SEC14L6: variants seen among roughly 807,000 people sequenced by gnomAD.
SEC14L6 encodes SEC14-like protein 6.
Under a neutral mutation model 54.1 loss-of-function variants are expected in SEC14L6, and 40 were observed. The ratio of observed to expected loss-of-function variants is 0.74; its 90% CI spans 0.57 to 0.96. The LOEUF (loss-of-function observed/expected upper bound fraction) is 0.96. Among genes scored for constraint, SEC14L6 ranks in the 40% least tolerant of loss-of-function variants. The pLI is 0.00. For synonymous variants in SEC14L6, 171 were observed against 198.4 expected (o/e 0.86, Z 1.16); for missense variants, 471 against 498.3 (o/e 0.95, Z 0.52).
At chr22:30,530,419 A>G (rs142709671) in intron 6 of SEC14L6, among the ~76,000 whole-genome samples, 12 of 152,196 alleles carry the variant, frequency 7.9e-5, no homozygotes, top group Non-Finnish European at 1.8e-4. Context: ...AGAAAACAAA[A>G]AAACTGAGAT....
chr22:30,526,679 G>A (rs1416952547), intron 8 of SEC14L6, among the ~76,000 whole-genome samples: 4 of 148,920 alleles, frequency 2.7e-5, no homozygotes, highest in Admixed American at 1.3e-4. Flanking sequence ...GCAGTGAGCC[G>A]AGACCACACC....
chr22:30,542,423 A>G, intron 1 of SEC14L6: 1 of 438,462 alleles, frequency 2.3e-6, no homozygotes, highest in East Asian at 3.8e-5. Flanking sequence ...CAACTTCCCC[A>G]GGCCACCTTA....
At chr22:30,540,684 C>G (rs2085688870) in intron 1 of SEC14L6, among the ~76,000 whole-genome samples, 1 of 150,190 alleles carries the variant, frequency 6.7e-6, no homozygotes, top group South Asian at 2.1e-4. Context: ...TCACTGCACT[C>G]CAGCCTGGGC....
chr22:30,535,824 C>T (rs925174398), intron 2 of SEC14L6, among the ~76,000 whole-genome samples: 1 of 152,058 alleles, frequency 6.6e-6, no homozygotes, highest in Non-Finnish European at 1.5e-5. Context: ...GATCCTCCTA[C>T]CTCAGCCTCC....
chr22:30,542,632 G>C (rs942933709), intron 1 of SEC14L6: 1 of 1,542,242 alleles, frequency 6.5e-7, no homozygotes, highest in Non-Finnish European at 8.7e-7. Flanking sequence ...GCTGCTCCCC[G>C]CGTCCTGCGC....
chr22:30,524,968 G>T lies in SEC14L6; in HGVS notation c.*29C>A. The T allele has an allele frequency of 8.9e-7, 1 of 1,122,124 alleles. No individual in the cohort carries two copies. The highest frequency in any genetic ancestry group is 1.3e-6 in the Non-Finnish European group (1 of 755,674). 69.5% of individuals were successfully genotyped at this position (1,122,124 alleles called of 1,614,324 possible). On this transcript the variant is annotated 3_prime_UTR_variant, in exon 12 of 12. Coordinates refer to ENST00000402034, the MANE Select transcript of SEC14L6 (RefSeq NM_001193336.4). The stretch of plus-strand genomic sequence containing the variant: ...ACTCATTGTGGATTCAGAGATCAAA[G>T]AGGAGGGTGTGGGGACCATGAGGTT...
At chr22:30,540,588 C>T (rs113601127) in intron 1 of SEC14L6, among the ~76,000 whole-genome samples, 1,875 of 151,740 alleles carry the variant, frequency 0.012, 40 homozygotes, top group African/African-American at 0.042. Context: ...TGGTGGCGCA[C>T]GCCTGTAGTC....
At chr22:30,532,188 G>T (rs889657019) in intron 5 of SEC14L6, 190 bp from the exon 6 acceptor site, 2 of 985,346 alleles carry the variant, frequency 2.0e-6, no homozygotes, top group African/African-American at 3.5e-5. Flanking sequence ...ACCTCTTTGT[G>T]TCTGTCCATG....
intron 2 of SEC14L6, 21 bp downstream of exon 2, chr22:30,538,806 A>G: frequency 1.3e-6 from 2 of 1,529,716 alleles, no homozygotes; most frequent in Non-Finnish European, 1.8e-6. Flanking sequence ...ACCCTACCCC[A>G]GCCCCACGCT....
intron 1 of SEC14L6, among the ~76,000 whole-genome samples, chr22:30,546,226 T>C (rs535378701): frequency 8.1e-4 from 122 of 151,486 alleles, no homozygotes; most frequent in Non-Finnish European, 1.4e-3. Context: ...TCTACTAACA[T>C]ACAAAAATTA....
Position 30,534,049 on chromosome 22 carries a change from G to C in SEC14L6, c.131-10C>G, listed in dbSNP as rs1379997598. 3 of 1,550,828 alleles carry C rather than the reference G, an allele frequency of 1.9e-6. No individual in the cohort carries two copies. Among genetic ancestry groups the C allele is most frequent in the Non-Finnish European group, 1.7e-6 (2 of 1,147,022 alleles). ...AGGTCAAAGCTCCGAGCTGCAACAA[G>C]AGACAGGGTTATGGTTGTGGAATTC... On this transcript the variant is annotated splice_polypyrimidine_tract_variant and intron_variant, in intron 2 of 11. Coordinates refer to ENST00000402034, the MANE Select transcript of SEC14L6 (RefSeq NM_001193336.4).
rs1454087710 is a variant in SEC14L6 at position 30,525,415 on chromosome 22, C to T, written c.1016G>A (p.Ser339Asn). The change falls in exon 11 of 12, where the codon AGC (serine) becomes AAC (asparagine). Residue 339 changes from serine (S) to asparagine (N), a missense_variant. Physicochemically the swap from Ser to Asn is conservative, Grantham distance 46. Coordinates refer to ENST00000402034, the MANE Select transcript of SEC14L6 (RefSeq NM_001193336.4). ...RAREMTEVLP[S>N]QRYNAHMVPE... Reference sequence around the variant, plus strand: ...CACCATGTGGGCATTGTAGCGCTGGCTGGGCAGCACCTCTGTCATCTCCCT... The same window carrying T: ...CACCATGTGGGCATTGTAGCGCTGGTTGGGCAGCACCTCTGTCATCTCCCT... 3 of 1,614,168 alleles carry T rather than the reference C, an allele frequency of 1.9e-6. No individual in the cohort carries two copies. The highest frequency in any genetic ancestry group is 1.7e-6 in the Non-Finnish European group (2 of 1,180,010).
intron 8 of SEC14L6, among the ~76,000 whole-genome samples, chr22:30,527,380 C>A (rs985714565): frequency 6.6e-6 from 1 of 151,516 alleles, no homozygotes; most frequent in Non-Finnish European, 1.5e-5. Flanking sequence ...ATAAAAGAAC[C>A]AAATAACCCA....
intron 11 of SEC14L6, 64 bp from the exon 12 acceptor site, chr22:30,525,173 A>T: frequency 2.4e-6 from 3 of 1,270,880 alleles, no homozygotes; most frequent in Non-Finnish European, 3.4e-6. Flanking sequence ...CCATGGTGGT[A>T]AATCTCTGCG....
At chr22:30,537,917 T>C (rs1273095081) in intron 2 of SEC14L6, among the ~76,000 whole-genome samples, 2 of 152,234 alleles carry the variant, frequency 1.3e-5, no homozygotes, top group Admixed American at 6.5e-5. Context: ...ACATGAAATG[T>C]TGCCTGATTC....
chr22:30,542,058 G>A (rs1210698098), intron 1 of SEC14L6, among the ~76,000 whole-genome samples: 1 of 152,162 alleles, frequency 6.6e-6, no homozygotes, highest in East Asian at 1.9e-4. Context: ...AGGGCAGGCC[G>A]GTGGGCGGGG....
At chr22:30,528,422 CTT>C (rs375073961) in intron 8 of SEC14L6, among the ~76,000 whole-genome samples, 22 of 105,496 alleles carry the variant, frequency 2.1e-4, no homozygotes, top group Middle Eastern at 6.8e-3. Flanking sequence ...CGCTCGGCCT[CTT>C]TTTTTTTTTT....
At position 30,525,299 on chromosome 22, in the gene SEC14L6, C is replaced by G. The variant is rs192883969; in HGVS notation, c.1081+51G>C. The G allele has an allele frequency of 1.1e-5, 17 of 1,583,854 alleles. No homozygotes were observed. In the East Asian group the frequency reaches 3.7e-4, roughly 34 times the overall value. ...TAGGACCTGGATGCACATTGTAGCA[C>G]CCTCCCCCTAGCCCCCAGCTCCAGG... On this transcript the variant is annotated intron_variant, in intron 11 of 11. Transcript: ENST00000402034.
At chr22:30,543,898 G>A in intron 1 of SEC14L6, 2 of 1,586,514 alleles carry the variant, frequency 1.3e-6, no homozygotes, top group Non-Finnish European at 1.7e-6. Flanking sequence ...TGCTCCCCGG[G>A]CCGCGGAGCC....
Sources: gnomAD v4.1 joint callset for allele counts (sites outside exome capture counted in the v4.1 genomes callset) on GRCh38, gnomAD v4.1.1 for gene constraint, MANE v1.5 for transcripts, NCBI Gene and HGNC (gene_info 2026-07-23, HGNC 2026-07-21) for gene names.